Variants in CCSER2 observed in about 807,000 individuals in gnomAD.
CCSER2 encodes coiled-coil serine rich protein 2.
Under a neutral mutation model 92.3 loss-of-function variants are expected in CCSER2, and 46 were observed. The ratio of observed to expected loss-of-function variants is 0.50; its 90% CI spans 0.39 to 0.64. CCSER2 has a LOEUF of 0.64. Ranked by LOEUF, CCSER2 falls within the 30% of genes least tolerant of loss-of-function variation. The pLI is 0.00. For missense variants in CCSER2, 1,244 were observed against 1,238.9 expected, an observed-to-expected ratio of 1.00 and a Z score of -0.06; for synonymous variants, 433 against 431.4, an observed-to-expected ratio of 1.00 and a Z score of -0.04.
At chr10:84,444,589 GTGGT>G (rs1844792804) in intron 6 of CCSER2, among the ~76,000 whole-genome samples, 1 of 152,112 alleles carries the variant, frequency 6.6e-6, no homozygotes, top group Admixed American at 6.5e-5. Flanking sequence ...GTTGCACACA[GTGGT>G]GTTCTAGAAG....
intron 1 of CCSER2, among the ~76,000 whole-genome samples, chr10:84,329,395 A>G (rs768914489): frequency 4.0e-4 from 61 of 152,274 alleles, no homozygotes; most frequent in Admixed American, 9.2e-4. Flanking sequence ...TTGGTGGCGA[A>G]GCTTGTTTCC....
intron 1 of CCSER2, among the ~76,000 whole-genome samples, chr10:84,360,744 G>T (rs922182548): frequency 2.0e-5 from 3 of 152,122 alleles, no homozygotes; most frequent in African/African-American, 4.8e-5. Context: ...TTTTCCTAAG[G>T]CCTTACCTTT....
chr10:84,418,325 TTCTC>T (rs1842976415), intron 4 of CCSER2, among the ~76,000 whole-genome samples: 3 of 152,330 alleles, frequency 2.0e-5, no homozygotes, highest in Admixed American at 2.0e-4. Flanking sequence ...TAGTCTATCT[TTCTC>T]TCTAGAGCCA....
chr10:84,370,380 A>AT (rs1554835140), intron 1 of CCSER2, among the ~76,000 whole-genome samples: 3 of 151,544 alleles, frequency 2.0e-5, no homozygotes, highest in Admixed American at 6.6e-5. Context: ...ATTTTATTTT[A>AT]TTTTTTTGCA....
chr10:84,346,988 C>T (rs370080935), intron 1 of CCSER2, among the ~76,000 whole-genome samples: 53 of 152,034 alleles, frequency 3.5e-4, no homozygotes, highest in East Asian at 2.9e-3. Context: ...TGACTCTTAG[C>T]GAGCATGCTG....
intron 1 of CCSER2, among the ~76,000 whole-genome samples, chr10:84,338,928 C>T (rs1031803435): frequency 1.3e-5 from 2 of 152,078 alleles, no homozygotes; most frequent in Non-Finnish European, 2.9e-5. Context: ...AGTGTTGGAG[C>T]ATCATTACAG....
Position 84,514,855 on chromosome 10 carries a change from TA to T in CCSER2, c.*590del, listed in dbSNP as rs1849542562. ...TTTTTCCTTGCCAGGGTCAGTCAGC[TA>T]ATGTTACTGTTGATTCATTTCCCAA... On this transcript the variant is annotated 3_prime_UTR_variant, in exon 10 of 10. Coordinates refer to ENST00000372088, the MANE Select transcript of CCSER2 (RefSeq NM_001284240.2). 1 of 152,724 alleles carries T rather than the reference TA, an allele frequency of 6.5e-6. No homozygotes were observed. The highest frequency in any genetic ancestry group is 2.1e-4 in the South Asian group (1 of 4,834). The allele number at this position is 152,724 out of a possible 1,614,324, so 9.5% of individuals were successfully genotyped here.
intron 5 of CCSER2, among the ~76,000 whole-genome samples, chr10:84,428,861 C>A (rs910176485): frequency 6.6e-6 from 1 of 151,590 alleles, no homozygotes; most frequent in South Asian, 2.1e-4. Flanking sequence ...TGGAGATAAT[C>A]TTTTTTTTCC....
intron 3 of CCSER2, among the ~76,000 whole-genome samples, chr10:84,396,636 A>G (rs1841857379): frequency 6.6e-6 from 1 of 151,958 alleles, no homozygotes; most frequent in African/African-American, 2.4e-5. Flanking sequence ...AAAATATTTT[A>G]TTTTTAAATT....
At chr10:84,361,553 TGTTA>T (rs1227572581) in intron 1 of CCSER2, among the ~76,000 whole-genome samples, 1 of 152,246 alleles carries the variant, frequency 6.6e-6, no homozygotes, top group Non-Finnish European at 1.5e-5. Flanking sequence ...TAAAGGATCC[TGTTA>T]GTTTTATCTG....
intron 6 of CCSER2, among the ~76,000 whole-genome samples, chr10:84,461,454 A>G (rs12415471): frequency 0.058 from 8,868 of 152,114 alleles, 372 homozygotes; most frequent in Admixed American, 0.1. Context: ...CTGTCCGCAT[A>G]TGTTCCTGAG....
intron 7 of CCSER2, among the ~76,000 whole-genome samples, 197 bp from the exon 8 acceptor site, chr10:84,470,175 T>C (rs533066404): frequency 1.3e-5 from 2 of 152,138 alleles, no homozygotes; most frequent in East Asian, 3.9e-4. Flanking sequence ...CAATGAATGC[T>C]AACTGTTGCT....
chr10:84,383,709 A>G lies in CCSER2; in HGVS notation c.1614+9894A>G, dbSNP rs566084553. 2.0e-5 allele frequency among the ~76,000 whole-genome samples: 3 copies of G among 152,304 alleles called. No individual in the cohort carries two copies. In the South Asian group the frequency reaches 6.2e-4, roughly 32 times the overall value. On this transcript the variant is annotated intron_variant, in intron 3 of 9. Coordinates refer to ENST00000372088, the MANE Select transcript of CCSER2 (RefSeq NM_001284240.2). Reference sequence around the variant, plus strand: ...GTTTTTCACTTTATTTAACAATATTATACTACTGTCAAACTGTTTTCATTA... The same window carrying G: ...GTTTTTCACTTTATTTAACAATATTGTACTACTGTCAAACTGTTTTCATTA...
rs533668664 is a variant in CCSER2 at position 84,503,485 on chromosome 10, C to T, written c.2326-9964C>T. ...GGTGTAGTCTTTCTACTCTAATTTC[C>T]AACTGTGTAAAATTGGGAGTAATAA... On this transcript the variant is annotated intron_variant, in intron 9 of 9. Coordinates refer to ENST00000372088, the MANE Select transcript of CCSER2 (RefSeq NM_001284240.2). Among the ~76,000 whole-genome samples the T allele has an allele frequency of 1.3e-4, 20 of 152,098 alleles. No homozygotes were observed. In the South Asian group the frequency reaches 4.1e-3, roughly 32 times the overall value.
At chr10:84,467,472 ATGTGTG>A (rs765626415) in intron 7 of CCSER2, among the ~76,000 whole-genome samples, 1 of 150,736 alleles carries the variant, frequency 6.6e-6, no homozygotes, top group Non-Finnish European at 1.5e-5. Flanking sequence ...ATGTGTGTGT[ATGTGTG>A]TGTGTGTGTG....
chr10:84,403,758 T>C (rs1051372896), intron 3 of CCSER2, among the ~76,000 whole-genome samples: 1 of 152,038 alleles, frequency 6.6e-6, no homozygotes, highest in African/African-American at 2.4e-5. Flanking sequence ...ATATAAAAAA[T>C]TGTGATAAAA....
chr10:84,445,668 T>C (rs1270084875), intron 6 of CCSER2, among the ~76,000 whole-genome samples: 1 of 152,194 alleles, frequency 6.6e-6, no homozygotes, highest in Admixed American at 6.5e-5. Context: ...TCTGAAAATA[T>C]AGATGAATTT....
At chr10:84,457,571 TA>T (rs2133630090) in intron 6 of CCSER2, among the ~76,000 whole-genome samples, 1 of 10,642 alleles carries the variant, frequency 9.4e-5, no homozygotes, top group East Asian at 2.6e-3. Flanking sequence ...TATAAATTTA[TA>T]TTTATATATT....
intron 5 of CCSER2, among the ~76,000 whole-genome samples, chr10:84,430,339 A>G (rs886625185): frequency 1.3e-5 from 2 of 152,102 alleles, no homozygotes; most frequent in African/African-American, 2.4e-5. Context: ...TCCCAAGACT[A>G]TATTGGAGCA....
Sources: allele counts gnomAD v4.1 joint callset (sites outside exome capture counted in the v4.1 genomes callset), GRCh38; gene constraint gnomAD v4.1.1; transcripts MANE v1.5; gene names NCBI Gene and HGNC (gene_info 2026-07-23, HGNC 2026-07-21).